The following WDHD1 variants were observed in gnomAD, a reference collection of about 807,000 sequenced individuals.
WDHD1 encodes WD repeat and HMG-box DNA binding protein 1, also known as WD repeat and HMG-box DNA-binding protein 1.
A neutral mutation model predicts 135.4 loss-of-function variants in WDHD1; 111 were observed. That is an observed-to-expected ratio of 0.82 (90% confidence interval 0.70 to 0.96). The LOEUF (loss-of-function observed/expected upper bound fraction) is 0.96. WDHD1 is among the 40% of genes least tolerant of loss of function. The pLI is 0.00. For missense variants in WDHD1, 1,351 were observed against 1,336.3 expected, an observed-to-expected ratio of 1.01 and a Z score of -0.17; for synonymous variants, 434 against 439.0, an observed-to-expected ratio of 0.99 and a Z score of 0.14.
In WDHD1 at chr14:54,962,747, G is replaced by C. The variant is rs771668517; in HGVS notation, c.2638C>G (p.His880Asp). The change falls in exon 20 of 26, where the codon CAT becomes GAT. Residue 880 changes from histidine to aspartate, a missense_variant. Coordinates refer to ENST00000360586, the MANE Select transcript of WDHD1 (RefSeq NM_007086.4). Reference protein sequence around the residue: ...EADDEEKPEIHKPGQNSFSKS... With the variant: ...EADDEEKPEIDKPGQNSFSKS... ...TGAAAATGTATCTCACCAGGCTTAT[G>C]TATTTCTGGTTTTTCTTCATCATCA... 19 of 1,613,644 alleles carry C rather than the reference G, an allele frequency of 1.2e-5. No homozygotes were observed. The highest frequency in any genetic ancestry group is 5.9e-6 in the Non-Finnish European group (7 of 1,179,800).
At chr14:54,994,335 G>A (rs77241359) in intron 11 of WDHD1, among the ~76,000 whole-genome samples, 5,689 of 151,968 alleles carry the variant, frequency 0.037, 120 homozygotes, top group African/African-American at 0.05. Context: ...TCATAATATT[G>A]CCATTATGCC....
At chr14:55,020,607 G>A (rs542805700) in intron 2 of WDHD1, among the ~76,000 whole-genome samples, 1 of 152,174 alleles carries the variant, frequency 6.6e-6, no homozygotes, top group East Asian at 1.9e-4. Flanking sequence ...ATGTTTATAA[G>A]GACAATTCTC....
chr14:55,018,120 G>A (rs906689392), intron 2 of WDHD1, among the ~76,000 whole-genome samples: 2 of 152,086 alleles, frequency 1.3e-5, no homozygotes, highest in South Asian at 2.1e-4. Flanking sequence ...TTTGAAGAGC[G>A]AGCGACTCTG....
rs561705199 is a variant in WDHD1, at chr14:54,941,389, C to T, written c.*101G>A. The T allele has an allele frequency of 1.0e-6, 1 of 999,130 alleles. No individual in the cohort carries two copies. The highest frequency in any genetic ancestry group is 1.7e-5 in the African/African-American group (1 of 59,978). The allele number at this position is 999,130 out of a possible 1,614,324, so 61.9% of individuals were successfully genotyped here. A position where few individuals can be genotyped will look rare whatever the true frequency, so the allele number is the denominator to read the frequency against. On this transcript the variant is annotated 3_prime_UTR_variant, in exon 26 of 26. Coordinates refer to ENST00000360586, the MANE Select transcript of WDHD1 (RefSeq NM_007086.4). ...TAAAGACAAACAGTTGCTTCAAACTCTTTAAAAAATATATATATAATGAGT... is the reference window on the plus strand; with the variant it reads ...TAAAGACAAACAGTTGCTTCAAACTTTTTAAAAAATATATATATAATGAGT...
At position 55,021,984 on chromosome 14, in the gene WDHD1, A is replaced by G. The variant is rs574717871; in HGVS notation, c.77+4727T>C. Among the ~76,000 whole-genome samples, 33 of 152,220 alleles carry G rather than the reference A, an allele frequency of 2.2e-4. 1 individual carries two copies. Among genetic ancestry groups the G allele is most frequent in the South Asian group, 2.1e-3 (10 of 4,820 alleles). On this transcript the variant is annotated intron_variant, in intron 2 of 25. Transcript: ENST00000360586. ...CCATAGCAATGACAATCCTTTCCAT[A>G]GATTAGTTTATGTAATGAGCCCGTA...
At chr14:54,981,353 A>C (rs949424241) in intron 16 of WDHD1, among the ~76,000 whole-genome samples, 187 bp downstream of exon 16, 1 of 152,164 alleles carries the variant, frequency 6.6e-6, no homozygotes, top group Non-Finnish European at 1.5e-5. Context: ...ATTTTGTTCA[A>C]CATGTTTCAA....
chr14:54,959,308 A>ACAT (rs2041209849), intron 21 of WDHD1, among the ~76,000 whole-genome samples: 1 of 150,104 alleles, frequency 6.7e-6, no homozygotes, highest in African/African-American at 2.4e-5. Flanking sequence ...TGAGGTGGAA[A>ACAT]GATCGCTTGG....
At chr14:54,975,178 T>A (rs1030427269) in intron 16 of WDHD1, among the ~76,000 whole-genome samples, 2 of 152,188 alleles carry the variant, frequency 1.3e-5, no homozygotes, top group African/African-American at 4.8e-5. Context: ...AAGGTCTCTG[T>A]TGGTAGAGAG....
chr14:54,963,161 T>C lies in WDHD1; in HGVS notation c.2322A>G (p.Lys774=). The change falls in exon 19 of 26, where the codon AAA becomes AAG. Residue 774 remains lysine (K), a synonymous_variant. Transcript: ENST00000360586. ...CCACACAACGGAATTCTCGCTCCAG[T>C]TTACAAGAAAGCTAATCCAAAAAGG... ...LLMKMLALSC[K]LEREFRCVEL... is the part of the protein sequence containing the mutation. 1 of 688,486 alleles carries C rather than the reference T, an allele frequency of 1.5e-6. No individual in the cohort carries two copies. Among genetic ancestry groups the C allele is most frequent in the South Asian group, 1.5e-5 (1 of 65,910 alleles). 42.6% of individuals were successfully genotyped at this position (688,486 alleles called of 1,614,324 possible).
chr14:54,962,166 C>T (rs2041262824), intron 21 of WDHD1, among the ~76,000 whole-genome samples: 1 of 152,116 alleles, frequency 6.6e-6, no homozygotes, highest in Non-Finnish European at 1.5e-5. Flanking sequence ...CTCCAGTATC[C>T]TGCATGCTTC....
chr14:54,942,207 C>T (rs887923465), intron 25 of WDHD1, among the ~76,000 whole-genome samples: 1 of 151,678 alleles, frequency 6.6e-6, no homozygotes, highest in Non-Finnish European at 1.5e-5. Flanking sequence ...GCTGAGATCA[C>T]GCCACTGCAC....
At chr14:54,955,876 C>CTTCAGA (rs140324706) in intron 23 of WDHD1, among the ~76,000 whole-genome samples, 182 bp from the exon 24 acceptor site, 46,849 of 145,312 alleles carry the variant, frequency 0.32, 7,989 homozygotes, top group African/African-American at 0.42. Flanking sequence ...AAAAACTACA[C>CTTCAGA]TTCAGATTCC....
At chr14:54,989,786 T>G (rs1170981121) in intron 12 of WDHD1, among the ~76,000 whole-genome samples, 1 of 151,962 alleles carries the variant, frequency 6.6e-6, no homozygotes, top group Non-Finnish European at 1.5e-5. Context: ...CAGCCTCCTG[T>G]GTAGCTGTGG....
At chr14:55,001,068 A>G in intron 8 of WDHD1, 76 bp from the exon 9 acceptor site, 1 of 1,008,376 alleles carries the variant, frequency 9.9e-7, no homozygotes, top group Non-Finnish European at 1.4e-6. Flanking sequence ...ACCAAATTCA[A>G]TTTTCTTTTC....
Position 54,967,293 on chromosome 14 carries a change from T to C in WDHD1, c.2165A>G (p.Lys722Arg), listed in dbSNP as rs1566716653. The change falls in exon 17 of 26, where the codon AAA becomes AGA. Residue 722 changes from lysine (K) to arginine (R), a missense_variant. Physicochemically the swap from Lys to Arg is conservative, Grantham distance 26. Transcript: ENST00000360586. Reference sequence around the variant, plus strand: ...ACTTCCACATACCTCCATTTGTCCTTTCTCTGTTGCAATCTGACAGTAAGG... The same window carrying C: ...ACTTCCACATACCTCCATTTGTCCTCTCTCTGTTGCAATCTGACAGTAAGG... ...KLPYCQIATE[K>R]GQMEEQFWRS... is the part of the protein sequence containing the mutation. The C allele has an allele frequency of 6.2e-7, 1 of 1,611,098 alleles. No individual in the cohort carries two copies. Among genetic ancestry groups the C allele is most frequent in the East Asian group, 2.2e-5 (1 of 44,794 alleles).
At chr14:55,023,215 T>G (rs78507472) in intron 2 of WDHD1, among the ~76,000 whole-genome samples, 1 of 152,252 alleles carries the variant, frequency 6.6e-6, no homozygotes, top group East Asian at 1.9e-4. Context: ...CCTTTCACTT[T>G]AAGTTGTCAG....
At chr14:54,959,437 G>GAAGA (rs1476505169) in intron 21 of WDHD1, among the ~76,000 whole-genome samples, 2 of 139,856 alleles carry the variant, frequency 1.4e-5, no homozygotes, top group African/African-American at 5.2e-5. Flanking sequence ...GGAAGGGAGG[G>GAAGA]AGGGAGGCAG....
chr14:54,984,804 T>C lies in WDHD1; in HGVS notation c.1825A>G (p.Lys609Glu). 1 of 1,613,996 alleles carries C rather than the reference T, an allele frequency of 6.2e-7. No homozygotes were observed. Among genetic ancestry groups the C allele is most frequent in the Non-Finnish European group, 8.5e-7 (1 of 1,179,968 alleles). ...TCACCATGCAAAATTTGTTTTTTCT[T>C]TTTCCCCAGCTCTAGCAGTTGAACT... ...LGVQLLELGK[K>E]KKQILHGDPL... Residue 609 changes from lysine to glutamate, a missense_variant, in exon 15 of 26, where the codon AAG (lysine) becomes GAG (glutamate). Lys to Glu is a moderately conservative substitution (Grantham distance 56). Transcript: ENST00000360586.
In WDHD1 at chr14:54,955,713, A is replaced by C. The variant is rs1222038566; in HGVS notation, c.2917-19T>G. The C allele has an allele frequency of 6.6e-7, 1 of 1,513,076 alleles. No individual in the cohort carries two copies. The highest frequency in any genetic ancestry group is 8.8e-7 in the Non-Finnish European group (1 of 1,136,784). The allele number at this position is 1,513,076 out of a possible 1,614,324, so 93.7% of individuals were successfully genotyped here. A position where few individuals can be genotyped will look rare whatever the true frequency, so the allele number is the denominator to read the frequency against. On this transcript the variant is annotated intron_variant, in intron 23 of 25. Coordinates refer to ENST00000360586, the MANE Select transcript of WDHD1 (RefSeq NM_007086.4). ...CAGATGCCTATAAAAACAAACATGA[A>C]TACTGCAATAACATCTAGTATAATT...
Sources: allele counts gnomAD v4.1 joint callset (sites outside exome capture counted in the v4.1 genomes callset), GRCh38; gene constraint gnomAD v4.1.1; transcripts MANE v1.5; gene names NCBI Gene and HGNC (gene_info 2026-07-23, HGNC 2026-07-21).